The following GRIA3 variants were observed in gnomAD, a reference collection of about 807,000 sequenced individuals.
The protein encoded by GRIA3 is glutamate receptor 3.
A neutral mutation model predicts 63.0 loss-of-function variants in GRIA3; 3 were observed. The ratio of observed to expected loss-of-function variants is 0.05; its 90% CI spans 0.02 to 0.12. The LOEUF (loss-of-function observed/expected upper bound fraction) is 0.12, where lower values mean the gene tolerates loss of function less well. Ranked by LOEUF, GRIA3 falls within the 10% of genes least tolerant of loss-of-function variation. GRIA3 has a pLI of 1.00. For synonymous variants in GRIA3, 274 were observed against 257.9 expected, an observed-to-expected ratio of 1.06 and a Z score of -0.60; for missense variants, 347 against 700.9, an observed-to-expected ratio of 0.50 and a Z score of 5.70.
chrX:123,211,503 G>A (rs1275612956), intron 2 of GRIA3, among the ~76,000 whole-genome samples: 1 of 111,876 alleles, frequency 8.9e-6, no homozygotes, highest in East Asian at 2.8e-4. Context: ...GGGGATTAGG[G>A]TCCTTTAGCT....
At chrX:123,184,701 C>A in intron 1 of GRIA3, 57 bp downstream of exon 1, 1 of 849,141 alleles carries the variant, frequency 1.2e-6, no homozygotes, top group Non-Finnish European at 1.8e-6. Context: ...AGACCACTGC[C>A]CCGGCAAGGC....
At chrX:123,211,335 A>C (rs966071242) in intron 2 of GRIA3, among the ~76,000 whole-genome samples, 8 of 111,868 alleles carry the variant, frequency 7.2e-5, no homozygotes. Flanking sequence ...TCCACCAAAT[A>C]AGAAGTTTCC....
intron 3 of GRIA3, among the ~76,000 whole-genome samples, chrX:123,275,816 A>C (rs1186338085): frequency 1.8e-5 from 2 of 111,615 alleles, no homozygotes; most frequent in African/African-American, 6.5e-5. Flanking sequence ...AGGCTTTCCC[A>C]TTTTCCCAGT....
At chrX:123,190,596 G>T in intron 2 of GRIA3, among the ~76,000 whole-genome samples, 1 of 111,342 alleles carries the variant, frequency 9.0e-6, no homozygotes, top group East Asian at 2.8e-4. Context: ...AATCAGGGGG[G>T]ACAGCAGCAA....
chrX:123,278,150 A>G (rs1192969327), intron 3 of GRIA3, among the ~76,000 whole-genome samples: 2 of 112,152 alleles, frequency 1.8e-5, no homozygotes, highest in African/African-American at 6.5e-5. Flanking sequence ...AAGCAGTTCC[A>G]TGTACAATGG....
Position 123,398,622 on chromosome X carries a change from T to C in GRIA3, c.913-14T>C. The C allele has an allele frequency of 8.4e-7, 1 of 1,190,069 alleles. No homozygotes were observed. Among genetic ancestry groups the C allele is most frequent in the South Asian group, 1.8e-5 (1 of 56,303 alleles). ...ATTTATCATGATATCTTGTTTTTCATGCATCCATTTCAGTATACATCTGCA... is the reference window on the plus strand; with the variant it reads ...ATTTATCATGATATCTTGTTTTTCACGCATCCATTTCAGTATACATCTGCA... On this transcript the variant is annotated splice_polypyrimidine_tract_variant and intron_variant, in intron 6 of 15. Coordinates refer to ENST00000620443, the MANE Select transcript of GRIA3 (RefSeq NM_007325.5).
intron 2 of GRIA3, among the ~76,000 whole-genome samples, chrX:123,232,514 C>T (rs1308442228): frequency 1.8e-5 from 2 of 111,426 alleles, no homozygotes; most frequent in African/African-American, 3.3e-5. Context: ...AAAAGAGTTA[C>T]GGAGATGGTG....
intron 12 of GRIA3, among the ~76,000 whole-genome samples, chrX:123,428,485 T>C (rs771646649): frequency 9.0e-6 from 1 of 111,705 alleles, no homozygotes; most frequent in Admixed American, 9.5e-5. Flanking sequence ...CTAAATAATA[T>C]ATATTCTGCT....
intron 5 of GRIA3, among the ~76,000 whole-genome samples, chrX:123,384,047 A>G (rs2045339825): frequency 8.9e-6 from 1 of 112,348 alleles, no homozygotes; most frequent in Admixed American, 9.4e-5. Context: ...TCTTCATGTT[A>G]TCACTGCATA....
intron 5 of GRIA3, among the ~76,000 whole-genome samples, chrX:123,377,221 C>G (rs899505092): frequency 1.8e-5 from 2 of 111,559 alleles, no homozygotes; most frequent in African/African-American, 6.5e-5. Context: ...CAGGCGTGAG[C>G]CACCGCGCCT....
intron 2 of GRIA3, among the ~76,000 whole-genome samples, chrX:123,202,433 G>C (rs1197667524): frequency 1.8e-5 from 2 of 112,461 alleles, no homozygotes; most frequent in Non-Finnish European, 3.8e-5. Context: ...TGTGAAGTGT[G>C]TTAATACAAT....
chrX:123,319,004 G>A (rs1252504438), intron 3 of GRIA3, among the ~76,000 whole-genome samples: 2 of 111,703 alleles, frequency 1.8e-5, no homozygotes, highest in Admixed American at 1.9e-4. Context: ...GGAAAAATGA[G>A]GAGGAAGCAA....
chrX:123,221,623 A>G (rs1227185978), intron 2 of GRIA3, among the ~76,000 whole-genome samples: 1 of 111,571 alleles, frequency 9.0e-6, no homozygotes, highest in Non-Finnish European at 1.9e-5. Context: ...GTTCCTTACA[A>G]CCTTGGCCAA....
At chrX:123,486,472 G>A (rs898719605) in intron 15 of GRIA3, among the ~76,000 whole-genome samples, 2 of 111,833 alleles carry the variant, frequency 1.8e-5, no homozygotes, top group Non-Finnish European at 3.8e-5. Context: ...TGAAAGAAAG[G>A]TTGGGAAGAG....
At chrX:123,293,133 C>G (rs1355208683) in intron 3 of GRIA3, among the ~76,000 whole-genome samples, 1 of 110,298 alleles carries the variant, frequency 9.1e-6, no homozygotes, top group Non-Finnish European at 1.9e-5. Context: ...AAGATAGACA[C>G]GGAAGAGTAG....
At chrX:123,455,993 C>G (rs2045759246) in intron 12 of GRIA3, among the ~76,000 whole-genome samples, 1 of 111,523 alleles carries the variant, frequency 9.0e-6, no homozygotes, top group African/African-American at 3.3e-5. Context: ...AACTGCTTAG[C>G]AAGCACACAG....
intron 13 of GRIA3, among the ~76,000 whole-genome samples, chrX:123,475,573 G>T (rs750742309): frequency 8.9e-6 from 1 of 111,802 alleles, no homozygotes; most frequent in African/African-American, 3.3e-5. Context: ...TAATTTCCAC[G>T]ATAGGAATCT....
intron 3 of GRIA3, among the ~76,000 whole-genome samples, chrX:123,257,925 G>A (rs889229694): frequency 4.5e-5 from 5 of 112,194 alleles, no homozygotes; most frequent in African/African-American, 9.7e-5. Flanking sequence ...GTCTGCAGAC[G>A]AAAGTCTGAT....
At chrX:123,453,618 AACACACACACAC>A (rs780732296) in intron 12 of GRIA3, among the ~76,000 whole-genome samples, 3 of 103,372 alleles carry the variant, frequency 2.9e-5, no homozygotes, top group Admixed American at 2.1e-4. Flanking sequence ...TCAGGTTTTC[AACACACACACAC>A]ACACACACAC....
Sources: allele counts gnomAD v4.1 joint callset (sites outside exome capture counted in the v4.1 genomes callset), GRCh38; gene constraint gnomAD v4.1.1; transcripts MANE v1.5; gene names NCBI Gene and HGNC (gene_info 2026-07-23, HGNC 2026-07-21).